The following FOXO3 variants were observed in gnomAD, a reference collection of about 807,000 sequenced individuals.
FOXO3 encodes forkhead box protein O3.
In FOXO3, 4 loss-of-function variants were observed where a neutral mutation model predicts 41.9. The ratio of observed to expected loss-of-function variants is 0.10; its 90% CI spans 0.05 to 0.22. The LOEUF (loss-of-function observed/expected upper bound fraction) is 0.22, where lower values mean the gene tolerates loss of function less well. Ranked by LOEUF, FOXO3 falls within the 10% of genes least tolerant of loss-of-function variation. The probability of loss-of-function intolerance (pLI) is 1.00; values close to 1 mark genes in which losing one functional copy is unlikely to be tolerated. For synonymous variants in FOXO3, 318 were observed against 389.3 expected (o/e 0.82, Z 2.16); for missense variants, 534 against 906.8 (o/e 0.59, Z 5.28).
At chr6:108,625,341 T>C (rs2128374093) in intron 1 of FOXO3, among the ~76,000 whole-genome samples, 1 of 152,356 alleles carries the variant, frequency 6.6e-6, no homozygotes, top group East Asian at 1.9e-4. Flanking sequence ...ATTGAAGTAA[T>C]AGTTTTGTTA....
chr6:108,654,558 T>C (rs967474309), intron 1 of FOXO3, among the ~76,000 whole-genome samples: 14 of 152,196 alleles, frequency 9.2e-5, no homozygotes, highest in African/African-American at 3.1e-4. Context: ...GATTTTATTC[T>C]TTTTATGAGG....
intron 1 of FOXO3, among the ~76,000 whole-genome samples, chr6:108,598,539 GA>G (rs950321037): frequency 3.3e-5 from 5 of 151,580 alleles, no homozygotes; most frequent in Non-Finnish European, 7.4e-5. Context: ...GAAATGGAGG[GA>G]AAAAAAATCT....
chr6:108,577,595 C>T (rs1408541089), intron 1 of FOXO3, among the ~76,000 whole-genome samples: 1 of 152,184 alleles, frequency 6.6e-6, no homozygotes, highest in Non-Finnish European at 1.5e-5. Context: ...CATCCTAAGG[C>T]AGTTAGGTCA....
chr6:108,620,008 C>T (rs1222751944), intron 1 of FOXO3, among the ~76,000 whole-genome samples: 1 of 152,128 alleles, frequency 6.6e-6, no homozygotes, highest in East Asian at 1.9e-4. Context: ...AAGGATAGGG[C>T]CAAGCTTGAT....
intron 1 of FOXO3, among the ~76,000 whole-genome samples, chr6:108,590,142 T>C (rs947794070): frequency 1.3e-5 from 2 of 152,118 alleles, no homozygotes; most frequent in Non-Finnish European, 2.9e-5. Flanking sequence ...TAAATCTTTT[T>C]TTTTTTTTGA....
At chr6:108,600,269 G>T (rs552279765) in intron 1 of FOXO3, among the ~76,000 whole-genome samples, 7 of 152,230 alleles carry the variant, frequency 4.6e-5, no homozygotes, top group African/African-American at 1.7e-4. Context: ...TGTGGGCCAG[G>T]TATGGTGGCT....
chr6:108,596,841 G>A lies in FOXO3; in HGVS notation c.621+35012G>A, dbSNP rs1776900203. On this transcript the variant is annotated intron_variant, in intron 1 of 2. Transcript: ENST00000406360. ...GCAGTAAAGAAACCTGTTTTATATT[G>A]TTTAATCCATCATATCCCAAACAGT... 1.3e-5 allele frequency among the ~76,000 whole-genome samples: 2 copies of A among 152,138 alleles called. 1 individual carries two copies. The highest frequency in any genetic ancestry group is 4.1e-4 in the South Asian group (2 of 4,830).
At chr6:108,590,231 C>T (rs977897658) in intron 1 of FOXO3, among the ~76,000 whole-genome samples, 1 of 151,946 alleles carries the variant, frequency 6.6e-6, no homozygotes, top group African/African-American at 2.4e-5. Context: ...TCAAAGGATC[C>T]TGCCACCTCA....
intron 1 of FOXO3, among the ~76,000 whole-genome samples, chr6:108,575,211 C>A (rs1776230393): frequency 1.3e-5 from 2 of 151,972 alleles, no homozygotes; most frequent in African/African-American, 4.8e-5. Flanking sequence ...CTACTTTTTT[C>A]CTGAAGTGTC....
In FOXO3 at chr6:108,655,824, A is replaced by G. The variant is rs183139152; in HGVS notation, c.622-7631A>G. The stretch of plus-strand genomic sequence containing the variant: ...AATTGGGGTTCCATTGGGCTGTTCA[A>G]AAAACCTTTGTCATCTGTGGTTCAG... On this transcript the variant is annotated intron_variant, in intron 1 of 2. Transcript: ENST00000406360. Among the ~76,000 whole-genome samples, 18 of 152,286 alleles carry G rather than the reference A, an allele frequency of 1.2e-4. No homozygotes were observed. The East Asian group carries it at 1.9e-3, about 16-fold the overall frequency.
chr6:108,563,493 G>C (rs886512322), intron 1 of FOXO3, among the ~76,000 whole-genome samples: 8 of 152,208 alleles, frequency 5.3e-5, no homozygotes, highest in African/African-American at 1.7e-4. Flanking sequence ...CAAGTGGATG[G>C]GAAGGGTTAA....
intron 1 of FOXO3, among the ~76,000 whole-genome samples, chr6:108,563,417 A>G (rs914768462): frequency 1.3e-5 from 2 of 152,258 alleles, no homozygotes; most frequent in Non-Finnish European, 2.9e-5. Flanking sequence ...CTTTACAGAA[A>G]GGATGAAAGT....
Position 108,663,726 on chromosome 6 carries a change from G to T in FOXO3, c.893G>T (p.Arg298Leu). ...LSKWPGSPTS[R>L]SSDELDAWTD... ...AAGTGGCCTGGCAGCCCCACGTCAC[G>T]CAGCAGTGATGAGCTGGATGCGTGG... The change falls in exon 2 of 3, where the codon CGC becomes CTC. Residue 298 changes from arginine (R) to leucine (L), a missense_variant. Around this residue, in one of 8 missense-constraint regions of FOXO3, gnomAD observed 185 missense variants for 224.9 expected, o/e 0.82. Coordinates refer to ENST00000406360, the MANE Select transcript of FOXO3 (RefSeq NM_001455.4). The T allele has an allele frequency of 1.2e-6, 2 of 1,613,656 alleles. No homozygotes were observed. The highest frequency in any genetic ancestry group is 8.5e-7 in the Non-Finnish European group (1 of 1,179,698).
chr6:108,645,596 C>G (rs945022275), intron 1 of FOXO3, among the ~76,000 whole-genome samples: 6 of 152,062 alleles, frequency 3.9e-5, no homozygotes, highest in Non-Finnish European at 7.4e-5. Context: ...TCTAAAACTT[C>G]AGGGCCAGGA....
At chr6:108,670,675 A>G (rs1005372410) in intron 2 of FOXO3, among the ~76,000 whole-genome samples, 2 of 152,142 alleles carry the variant, frequency 1.3e-5, no homozygotes, top group Non-Finnish European at 2.9e-5. Context: ...CTTTTTCTTC[A>G]AGAAACCATA....
chr6:108,608,411 C>T (rs1350810292), intron 1 of FOXO3, among the ~76,000 whole-genome samples: 1 of 152,158 alleles, frequency 6.6e-6, no homozygotes, highest in Non-Finnish European at 1.5e-5. Flanking sequence ...CTTTTGTCCC[C>T]AGAGGGAAAT....
At chr6:108,579,107 T>C (rs1776340998) in intron 1 of FOXO3, among the ~76,000 whole-genome samples, 1 of 152,218 alleles carries the variant, frequency 6.6e-6, no homozygotes, top group African/African-American at 2.4e-5. Flanking sequence ...TGTTTCAGAA[T>C]GTTGCCTGAG....
intron 2 of FOXO3, among the ~76,000 whole-genome samples, chr6:108,666,422 A>G (rs1582832406): frequency 1.3e-5 from 2 of 150,062 alleles, no homozygotes; most frequent in Admixed American, 6.6e-5. Flanking sequence ...TGCAAGCTCC[A>G]CCTTCCAGGT....
At chr6:108,666,484 C>T (rs906734112) in intron 2 of FOXO3, among the ~76,000 whole-genome samples, 6 of 151,682 alleles carry the variant, frequency 4.0e-5, no homozygotes, top group Non-Finnish European at 8.8e-5. Flanking sequence ...TACAGGCGCC[C>T]GCCACCACGC....
Sources: gnomAD v4.1 joint callset for allele counts (sites outside exome capture counted in the v4.1 genomes callset) on GRCh38, gnomAD v4.1.1 for gene constraint, gnomAD v4.1.1 regional missense constraint, MANE v1.5 for transcripts, NCBI Gene and HGNC (gene_info 2026-07-23, HGNC 2026-07-21) for gene names.